HIVEP2: variants seen among roughly 807,000 people sequenced by gnomAD.
The protein encoded by HIVEP2 is HIVEP zinc finger 2, also known as transcription factor HIVEP2.
A neutral mutation model predicts 180.7 loss-of-function variants in HIVEP2; 14 were observed. The ratio of observed to expected loss-of-function variants is 0.08; its 90% CI spans 0.05 to 0.12. The LOEUF (loss-of-function observed/expected upper bound fraction) is 0.12. Ranked by LOEUF, HIVEP2 falls within the 10% of genes least tolerant of loss-of-function variation. The pLI is 1.00. For missense variants in HIVEP2, 2,579 were observed against 3,008.5 expected, an observed-to-expected ratio of 0.86 and a Z score of 3.34; for synonymous variants, 1,184 against 1,136.4, an observed-to-expected ratio of 1.04 and a Z score of -0.84.
At chr6:142,850,957 G>C (rs1481742832) in intron 1 of HIVEP2, among the ~76,000 whole-genome samples, 1 of 152,334 alleles carries the variant, frequency 6.6e-6, no homozygotes, top group South Asian at 2.1e-4. Flanking sequence ...CTGGTGGTTT[G>C]TGTTGTATGA....
chr6:142,847,829 A>T (rs993943124), intron 1 of HIVEP2, among the ~76,000 whole-genome samples: 8 of 152,076 alleles, frequency 5.3e-5, no homozygotes, highest in Non-Finnish European at 1.2e-4. Context: ...TACTAATATT[A>T]AAAAAAAGCT....
At chr6:142,822,925 C>T (rs1345197964) in intron 2 of HIVEP2, among the ~76,000 whole-genome samples, 1 of 152,210 alleles carries the variant, frequency 6.6e-6, no homozygotes, top group East Asian at 1.9e-4. Context: ...GTGACATTAA[C>T]ACCAATTAAC....
intron 1 of HIVEP2, among the ~76,000 whole-genome samples, chr6:142,901,480 T>C (rs1479873065): frequency 1.3e-5 from 2 of 152,204 alleles, no homozygotes; most frequent in Admixed American, 1.3e-4. Context: ...ACTTAGCTAC[T>C]ACCCTATTGT....
intron 1 of HIVEP2, among the ~76,000 whole-genome samples, chr6:142,846,480 C>T (rs1179816826): frequency 6.6e-6 from 1 of 152,178 alleles, no homozygotes; most frequent in Non-Finnish European, 1.5e-5. Context: ...CATTTAAATG[C>T]AAACATCATT....
chr6:142,861,490 C>T (rs1422025267), intron 1 of HIVEP2, among the ~76,000 whole-genome samples: 3 of 152,180 alleles, frequency 2.0e-5, no homozygotes, highest in African/African-American at 4.8e-5. Context: ...AATTCTATTA[C>T]TTGAAGGTAT....
At chr6:142,801,634 A>G (rs1347037062) in intron 2 of HIVEP2, among the ~76,000 whole-genome samples, 1 of 152,024 alleles carries the variant, frequency 6.6e-6, no homozygotes, top group Non-Finnish European at 1.5e-5. Flanking sequence ...AGTCACTTCC[A>G]CTTAGTGGGA....
At chr6:142,840,492 TA>T (rs1775336367) in intron 1 of HIVEP2, among the ~76,000 whole-genome samples, 1 of 152,164 alleles carries the variant, frequency 6.6e-6, no homozygotes, top group Admixed American at 6.5e-5. Flanking sequence ...TTAAAAATTT[TA>T]ATCTATTATT....
intron 1 of HIVEP2, among the ~76,000 whole-genome samples, chr6:142,881,552 G>A (rs542711596): frequency 1.1e-4 from 16 of 152,258 alleles, no homozygotes; most frequent in Middle Eastern, 3.4e-3. Flanking sequence ...GAAGTTAGAA[G>A]AATGCCTTTA....
chr6:142,923,853 T>C (rs1777737854), intron 1 of HIVEP2, among the ~76,000 whole-genome samples: 1 of 152,182 alleles, frequency 6.6e-6, no homozygotes, highest in Non-Finnish European at 1.5e-5. Context: ...AAGGCTCAAA[T>C]GTAGCATCAA....
chr6:142,804,582 C>T (rs78139311), intron 2 of HIVEP2, among the ~76,000 whole-genome samples: 21,066 of 151,752 alleles, frequency 0.14, 1,583 homozygotes, highest in Middle Eastern at 0.2. Flanking sequence ...GAGTTATGAC[C>T]CCTGCTTGGA....
chr6:142,759,068 G>A (rs1401346667), intron 9 of HIVEP2, among the ~76,000 whole-genome samples: 2 of 152,090 alleles, frequency 1.3e-5, no homozygotes, highest in Non-Finnish European at 2.9e-5. Context: ...TTGGGAGGCC[G>A]AGGCAGGCAG....
chr6:142,883,820 C>G (rs985959799), intron 1 of HIVEP2, among the ~76,000 whole-genome samples: 1 of 152,114 alleles, frequency 6.6e-6, no homozygotes, highest in African/African-American at 2.4e-5. Flanking sequence ...ACTAATAACT[C>G]AAAACTCACA....
At chr6:142,815,692 T>C (rs544654266) in intron 2 of HIVEP2, among the ~76,000 whole-genome samples, 2 of 152,336 alleles carry the variant, frequency 1.3e-5, no homozygotes, top group East Asian at 3.9e-4. Flanking sequence ...GGAGTACTCA[T>C]TATCTGTCAG....
chr6:142,866,889 A>G (rs560901118), intron 1 of HIVEP2, among the ~76,000 whole-genome samples: 1 of 152,226 alleles, frequency 6.6e-6, no homozygotes, highest in East Asian at 1.9e-4. Flanking sequence ...CTATCTTTAT[A>G]AAAAGCGAAA....
At chr6:142,893,073 T>C (rs753803329) in intron 1 of HIVEP2, among the ~76,000 whole-genome samples, 1 of 152,168 alleles carries the variant, frequency 6.6e-6, no homozygotes, top group Non-Finnish European at 1.5e-5. Context: ...AAACAATTAG[T>C]CCTTTCATTC....
rs1775243177 is a variant in HIVEP2, at chr6:142,761,716, A to G, written c.5519-151T>C. The G allele has an allele frequency of 4.7e-5, 30 of 632,148 alleles. 1 individual carries two copies. The South Asian group carries it at 5.3e-4, about 11-fold the overall frequency. The allele number at this position is 632,148 out of a possible 1,614,324, so 39.2% of individuals were successfully genotyped here. ...TTTCTACCCACTACCCCTTGTTTCA[A>G]CCTTAAGAAGAATAATCTGGTCTTT... On this transcript the variant is annotated intron_variant, in intron 7 of 9. Transcript: ENST00000367603.
chr6:142,759,407 C>G (rs1313820675), intron 9 of HIVEP2, among the ~76,000 whole-genome samples: 1 of 152,122 alleles, frequency 6.6e-6, no homozygotes, highest in East Asian at 1.9e-4. Flanking sequence ...ATAAGTGATG[C>G]CTAAATGTCC....
intron 2 of HIVEP2, among the ~76,000 whole-genome samples, chr6:142,834,212 A>G (rs928286417): frequency 6.6e-5 from 10 of 152,190 alleles, no homozygotes; most frequent in Non-Finnish European, 8.8e-5. Flanking sequence ...AAAAACATAT[A>G]AAGGCATATC....
intron 1 of HIVEP2, among the ~76,000 whole-genome samples, chr6:142,942,902 C>T (rs1778214578): frequency 1.3e-5 from 2 of 152,174 alleles, no homozygotes; most frequent in East Asian, 1.9e-4. Context: ...CTATGCTCGA[C>T]GCAAGAAATT....
Sources: gnomAD v4.1 joint callset for allele counts (sites outside exome capture counted in the v4.1 genomes callset) on GRCh38, gnomAD v4.1.1 for gene constraint, MANE v1.5 for transcripts, NCBI Gene and HGNC (gene_info 2026-07-23, HGNC 2026-07-21) for gene names.